Variants in RAET1L observed in about 807,000 individuals in gnomAD.
The protein encoded by RAET1L is retinoic acid early transcript 1L.
A neutral mutation model predicts 23.9 loss-of-function variants in RAET1L; 16 were observed. That is an observed-to-expected ratio of 0.67 (90% CI 0.45 to 1.02). The LOEUF (loss-of-function observed/expected upper bound fraction) is 1.02. Among genes scored for constraint, RAET1L ranks in the 50% least tolerant of loss-of-function variants. The probability of loss-of-function intolerance (pLI) is 0.00; values close to 1 mark genes in which losing one functional copy is unlikely to be tolerated. For synonymous variants in RAET1L, 70 were observed against 111.2 expected (o/e 0.63, Z 2.33); for missense variants, 233 against 304.0 (o/e 0.77, Z 1.74).
intron 3 of RAET1L, 117 bp downstream of exon 3, chr6:150,020,788 G>A (rs1582847575): frequency 1.3e-6 from 2 of 1,523,760 alleles, no homozygotes; most frequent in Non-Finnish European, 8.8e-7. Flanking sequence ...CCGACGAGGA[G>A]GTCATTTTAA....
At chr6:150,023,270 C>T (rs1214412516) in intron 1 of RAET1L, among the ~76,000 whole-genome samples, 3 of 152,142 alleles carry the variant, frequency 2.0e-5, no homozygotes, top group East Asian at 1.9e-4. Flanking sequence ...AAACCCACCC[C>T]GGATACTGCT....
intron 1 of RAET1L, among the ~76,000 whole-genome samples, chr6:150,024,444 A>G (rs1425568925): frequency 2.0e-5 from 3 of 152,058 alleles, no homozygotes; most frequent in Non-Finnish European, 1.5e-5. Flanking sequence ...GAGACGGAGA[A>G]CCCATGGCCT....
intron 2 of RAET1L, among the ~76,000 whole-genome samples, chr6:150,021,597 CTTTT>C (rs750629393): frequency 1.1e-5 from 1 of 92,626 alleles, no homozygotes; most frequent in Admixed American, 1.2e-4. Flanking sequence ...CTGCACCTGG[CTTTT>C]TTTTTTTTTT....
In RAET1L at chr6:150,020,983, T is replaced by C. The variant is rs201121679; in HGVS notation, c.553A>G (p.Ile185Val). The C allele has an allele frequency of 6.2e-7, 1 of 1,614,026 alleles. No individual in the cohort carries two copies. Residue 185 changes from isoleucine (I) to valine (V), a missense_variant, in exon 3 of 5, where the codon ATC becomes GTC. Ile to Val is a conservative substitution (Grantham distance 29). Transcript: ENST00000367341. ...DKDVAMSFHY[I>V]SMGDCIGWLE... ...CATCCTATGCAGTCTCCCATTGAGA[T>C]GTAATGGAAGGACATGGCCACATCC...
intron 4 of RAET1L, 43 bp from the exon 5 acceptor site, chr6:150,018,898 C>T (rs1165049933): frequency 2.9e-5 from 9 of 306,224 alleles, no homozygotes; most frequent in East Asian, 1.3e-4. Context: ...GCAGAGAACC[C>T]GGATCACTTT....
At chr6:150,023,157 T>A (rs1439565920) in intron 1 of RAET1L, among the ~76,000 whole-genome samples, 2 of 148,590 alleles carry the variant, frequency 1.3e-5, no homozygotes, top group African/African-American at 5.0e-5. Flanking sequence ...GGTGCAATGA[T>A]GGAAATGATT....
At chr6:150,021,458 C>G (rs1779887620) in intron 2 of RAET1L, among the ~76,000 whole-genome samples, 1 of 137,204 alleles carries the variant, frequency 7.3e-6, no homozygotes, top group Middle Eastern at 3.6e-3. Context: ...CGCCACCATA[C>G]CCGGCTATTT....
chr6:150,019,260 C>T (rs1298327008), intron 4 of RAET1L, among the ~76,000 whole-genome samples: 2 of 152,228 alleles, frequency 1.3e-5, no homozygotes, highest in East Asian at 1.9e-4. Flanking sequence ...CTTCTTTCCC[C>T]TTCTTCTTGA....
intron 1 of RAET1L, among the ~76,000 whole-genome samples, chr6:150,022,769 G>T (rs1227524548): frequency 8.6e-6 from 1 of 116,632 alleles, no homozygotes; most frequent in Non-Finnish European, 2.0e-5. Context: ...GCTATGAGGA[G>T]GCCTTCCTGA....
At chr6:150,020,881 C>T (rs763416949) in intron 3 of RAET1L, 24 bp downstream of exon 3, 41 of 1,611,230 alleles carry the variant, frequency 2.5e-5, no homozygotes, top group Non-Finnish European at 3.1e-5. Flanking sequence ...CATTTAAGAT[C>T]CCCGTTTCTT....
At chr6:150,023,506 A>C (rs2184455) in intron 1 of RAET1L, among the ~76,000 whole-genome samples, 1 of 152,160 alleles carries the variant, frequency 6.6e-6, no homozygotes, top group East Asian at 1.9e-4. Flanking sequence ...TTTATGGCCA[A>C]TAGAGTTTGC....
In RAET1L at chr6:150,024,001, C is replaced by A. The variant is rs570809333; in HGVS notation, c.85+1386G>T. The stretch of plus-strand genomic sequence containing the variant: ...CAGCAGTGAGAAGATGCAGGTGGTT[C>A]TTCTGGGATGGGCAGGAGCAGGGCC... On this transcript the variant is annotated intron_variant, in intron 1 of 4. Transcript: ENST00000367341. Among the ~76,000 whole-genome samples, 573 of 152,256 alleles carry A rather than the reference C, an allele frequency of 3.8e-3. 1 individual carries two copies. Among genetic ancestry groups the A allele is most frequent in the African/African-American group, 0.013 (531 of 41,536 alleles).
At chr6:150,021,267 T>A in intron 2 of RAET1L, 81 bp from the exon 3 acceptor site, 2 of 1,461,706 alleles carry the variant, frequency 1.4e-6, no homozygotes, top group South Asian at 2.6e-5. Flanking sequence ...TTTGCTGGCC[T>A]TACTCTCTCT....
chr6:150,019,050 G>A (rs1779855752), intron 4 of RAET1L, among the ~76,000 whole-genome samples, 195 bp from the exon 5 acceptor site: 1 of 152,176 alleles, frequency 6.6e-6, no homozygotes, highest in Non-Finnish European at 1.5e-5. Context: ...AGTCAGCCCA[G>A]GCCCTGCACC....
intron 4 of RAET1L, among the ~76,000 whole-genome samples, chr6:150,019,328 AC>A (rs1010701009): frequency 2.1e-4 from 32 of 151,884 alleles, no homozygotes; most frequent in African/African-American, 7.7e-4. Flanking sequence ...TCCCTGTTCC[AC>A]CTTTTCCATT....
At chr6:150,020,556 G>C (rs1294364316) in intron 3 of RAET1L, among the ~76,000 whole-genome samples, 2 of 152,160 alleles carry the variant, frequency 1.3e-5, no homozygotes, top group African/African-American at 4.8e-5. Context: ...GGTTTTGATG[G>C]ATTTCCAGAA....
At chr6:150,023,725 A>G (rs1052866616) in intron 1 of RAET1L, among the ~76,000 whole-genome samples, 5 of 152,298 alleles carry the variant, frequency 3.3e-5, no homozygotes, top group Non-Finnish European at 7.4e-5. Context: ...GGAGAATCAC[A>G]ACAGAGATTC....
At position 150,021,109 on chromosome 6, in the gene RAET1L, T is replaced by C. The variant is rs368287368; in HGVS notation, c.427A>G (p.Ile143Val). 32 of 1,614,016 alleles carry C rather than the reference T, an allele frequency of 2.0e-5. No homozygotes were observed. Among genetic ancestry groups the C allele is most frequent in the Non-Finnish European group, 2.6e-5 (31 of 1,180,026 alleles). ...GHSSGSWQFS[I>V]DGQTFLLFDS... ...AAGAGTAGGAAGGTCTGTCCATCGA[T>C]ACTGAACTGCCAAGATCCACTGCTG... Residue 143 changes from isoleucine (I) to valine (V), a missense_variant, in exon 3 of 5, where the codon ATC becomes GTC. This residue lies in a region of RAET1L where 139 missense variants were observed against 125.3 expected (regional missense o/e 1.11). Transcript: ENST00000367341.
In RAET1L at chr6:150,021,050, A is replaced by G; in HGVS notation, c.486T>C (p.His162=). 6.2e-7 allele frequency: 1 copy of G among 1,614,134 alleles called. No homozygotes were observed. Among genetic ancestry groups the G allele is most frequent in the Non-Finnish European group, 8.5e-7 (1 of 1,180,032 alleles). Reference sequence around the variant, plus strand: ...TTTCTTTCATCTTTCTGGCTCCAGGATGAACCGTTGTCCACATTCTCTTCT... The same window carrying G: ...TTTCTTTCATCTTTCTGGCTCCAGGGTGAACCGTTGTCCACATTCTCTTCT... ...DSEKRMWTTV[H]PGARKMKEKW... The change falls in exon 3 of 5, where the codon CAT becomes CAC. Residue 162 remains histidine (H), a synonymous_variant. Transcript: ENST00000367341.
Sources: gnomAD v4.1 joint callset for allele counts (sites outside exome capture counted in the v4.1 genomes callset) on GRCh38, gnomAD v4.1.1 for gene constraint, gnomAD v4.1.1 regional missense constraint, MANE v1.5 for transcripts, NCBI Gene and HGNC (gene_info 2026-07-23, HGNC 2026-07-21) for gene names.